The following PTPRK variants were observed in gnomAD, a reference collection of about 807,000 sequenced individuals.
The protein encoded by PTPRK is receptor-type tyrosine-protein phosphatase kappa.
A neutral mutation model predicts 178.0 loss-of-function variants in PTPRK; 75 were observed. The observed-to-expected ratio is 0.42, with a 90% CI of 0.35 to 0.51. The LOEUF (loss-of-function observed/expected upper bound fraction) is 0.51. Among genes scored for constraint, PTPRK ranks in the 20% least tolerant of loss-of-function variants. The pLI, the probability that PTPRK is intolerant of heterozygous loss-of-function variation, is 0.02. For missense variants in PTPRK, 1,441 were observed against 1,797.8 expected, an observed-to-expected ratio of 0.80 and a Z score of 3.59; for synonymous variants, 637 against 620.6, an observed-to-expected ratio of 1.03 and a Z score of -0.39.
rs144117630 is a variant in PTPRK at position 128,347,855 on chromosome 6, A to T, written c.224-25545T>A. Among the ~76,000 whole-genome samples the T allele has an allele frequency of 6.8e-4, 104 of 152,236 alleles. 1 individual carries two copies. The highest frequency in any genetic ancestry group is 2.4e-3 in the African/African-American group (101 of 41,580). ...CTCCGATCTCTACGTTGTAATTAAAATTTAAAAGTGCAACCATCATAATAT... is the reference window on the plus strand; with the variant it reads ...CTCCGATCTCTACGTTGTAATTAAATTTTAAAAGTGCAACCATCATAATAT... On this transcript the variant is annotated intron_variant, in intron 2 of 29. Coordinates refer to ENST00000368226, the MANE Select transcript of PTPRK (RefSeq NM_002844.4).
intron 3 of PTPRK, among the ~76,000 whole-genome samples, chr6:128,262,167 T>C (rs889044140): frequency 1.1e-4 from 16 of 152,176 alleles, no homozygotes; most frequent in African/African-American, 3.6e-4. Flanking sequence ...TTAAGCAGCA[T>C]AGTGAAAGTT....
chr6:128,287,721 T>C (rs1822733782), intron 3 of PTPRK, among the ~76,000 whole-genome samples: 1 of 152,196 alleles, frequency 6.6e-6, no homozygotes, highest in Non-Finnish European at 1.5e-5. Flanking sequence ...TCCGTCATTC[T>C]TGGAAGATGA....
chr6:128,383,145 T>C (rs1838186656), intron 2 of PTPRK, among the ~76,000 whole-genome samples: 1 of 152,160 alleles, frequency 6.6e-6, no homozygotes, highest in African/African-American at 2.4e-5. Context: ...GCAATGAAAA[T>C]ACCTGAATAA....
chr6:128,058,122 A>G (rs946211943), intron 13 of PTPRK, among the ~76,000 whole-genome samples: 19 of 152,174 alleles, frequency 1.2e-4, no homozygotes, highest in African/African-American at 4.3e-4. Flanking sequence ...CAGTGCTGCT[A>G]TAAATTTTGT....
chr6:128,028,200 A>C (rs1019039203), intron 13 of PTPRK, among the ~76,000 whole-genome samples: 3 of 152,254 alleles, frequency 2.0e-5, no homozygotes, highest in Non-Finnish European at 2.9e-5. Flanking sequence ...ATGGTAAAAT[A>C]GTAACTACAA....
At chr6:128,178,197 G>T (rs1189657735) in intron 7 of PTPRK, among the ~76,000 whole-genome samples, 1 of 151,734 alleles carries the variant, frequency 6.6e-6, no homozygotes, top group Non-Finnish European at 1.5e-5. Flanking sequence ...TTGGATTACT[G>T]AAGTATGTTA....
chr6:128,276,008 A>C (rs536219416), intron 3 of PTPRK, among the ~76,000 whole-genome samples: 30 of 152,150 alleles, frequency 2.0e-4, no homozygotes, highest in Non-Finnish European at 3.4e-4. Flanking sequence ...TATCAGTATG[A>C]TGATATATGT....
chr6:128,369,970 T>C (rs1302439010), intron 2 of PTPRK, among the ~76,000 whole-genome samples: 1 of 152,120 alleles, frequency 6.6e-6, no homozygotes, highest in Non-Finnish European at 1.5e-5. Flanking sequence ...AAAATATTTA[T>C]GGTCTAAATA....
At chr6:128,402,104 CA>C (rs1316633336) in intron 1 of PTPRK, among the ~76,000 whole-genome samples, 1 of 151,896 alleles carries the variant, frequency 6.6e-6, no homozygotes, top group Admixed American at 6.6e-5. Flanking sequence ...AAATTCATTA[CA>C]AAAAAGCCAA....
chr6:127,981,394 G>T, intron 24 of PTPRK, 105 bp from the exon 25 acceptor site: 1 of 971,152 alleles, frequency 1.0e-6, no homozygotes, highest in Non-Finnish European at 1.5e-6. Flanking sequence ...TGAAGGATTT[G>T]TGCGAGGCAA....
intron 2 of PTPRK, among the ~76,000 whole-genome samples, chr6:128,361,596 T>C (rs1042871132): frequency 7.2e-5 from 11 of 152,144 alleles, no homozygotes; most frequent in African/African-American, 2.7e-4. Context: ...ACAATAGATA[T>C]AGTCTATTAC....
chr6:128,505,356 G>A (rs1856173867), intron 1 of PTPRK, among the ~76,000 whole-genome samples: 1 of 151,484 alleles, frequency 6.6e-6, no homozygotes, highest in East Asian at 2.0e-4. Flanking sequence ...CAGGAGAATC[G>A]CTTGAACCTG....
intron 3 of PTPRK, among the ~76,000 whole-genome samples, chr6:128,308,026 A>G (rs1410814830): frequency 6.6e-6 from 1 of 152,184 alleles, no homozygotes; most frequent in Non-Finnish European, 1.5e-5. Context: ...CAACCCAACT[A>G]TCCATAGACA....
chr6:128,093,087 C>T (rs1314295234), intron 7 of PTPRK, among the ~76,000 whole-genome samples: 1 of 152,118 alleles, frequency 6.6e-6, no homozygotes, highest in Non-Finnish European at 1.5e-5. Context: ...ATGGAGAACA[C>T]ATTCATGAAT....
intron 6 of PTPRK, among the ~76,000 whole-genome samples, chr6:128,199,916 A>G (rs981247427): frequency 1.3e-5 from 2 of 152,208 alleles, no homozygotes. Flanking sequence ...AAGTTTAGGC[A>G]TTCAAATGCT....
At chr6:128,012,265 T>TG (rs1476630385) in intron 13 of PTPRK, among the ~76,000 whole-genome samples, 4 of 144,466 alleles carry the variant, frequency 2.8e-5, no homozygotes, top group African/African-American at 9.8e-5. Context: ...TCACATGTAT[T>TG]TTTTTAAGTA....
chr6:128,306,039 T>C (rs2128313966), intron 3 of PTPRK, among the ~76,000 whole-genome samples: 1 of 152,212 alleles, frequency 6.6e-6, no homozygotes, highest in Admixed American at 6.5e-5. Flanking sequence ...CCATCAGATC[T>C]CCTGAGAACT....
Position 128,517,397 on chromosome 6 carries a change from T to G in PTPRK, c.100+2862A>C, listed in dbSNP as rs985007948. ...CATCTAAGTCCTTCTACAGAAAACT[T>G]TCTTACATTATATCAAGAGATCACA... On this transcript the variant is annotated intron_variant, in intron 1 of 29. Coordinates refer to ENST00000368226, the MANE Select transcript of PTPRK (RefSeq NM_002844.4). 1.4e-3 allele frequency among the ~76,000 whole-genome samples: 212 copies of G among 152,272 alleles called. 1 individual carries two copies. Among genetic ancestry groups the G allele is most frequent in the African/African-American group, 5.0e-3 (208 of 41,552 alleles).
intron 25 of PTPRK, among the ~76,000 whole-genome samples, chr6:127,979,346 T>A (rs1233108880): frequency 6.6e-6 from 1 of 152,210 alleles, no homozygotes; most frequent in Non-Finnish European, 1.5e-5. Context: ...AAGATGCCAA[T>A]GGCAAAAAAT....
Sources: gnomAD v4.1 joint callset for allele counts (sites outside exome capture counted in the v4.1 genomes callset) on GRCh38, gnomAD v4.1.1 for gene constraint, MANE v1.5 for transcripts, NCBI Gene and HGNC (gene_info 2026-07-23, HGNC 2026-07-21) for gene names.